The following PDE4D variants were observed in gnomAD, a reference collection of about 807,000 sequenced individuals.
PDE4D encodes phosphodiesterase 4D.
A neutral mutation model predicts 87.4 loss-of-function variants in PDE4D; 24 were observed. The observed-to-expected ratio is 0.27, with a 90% CI of 0.20 to 0.39. The LOEUF (loss-of-function observed/expected upper bound fraction) is 0.39. Ranked by LOEUF, PDE4D falls within the 10% of genes least tolerant of loss-of-function variation. The pLI is 1.00. For synonymous variants in PDE4D, 384 were observed against 383.2 expected, an observed-to-expected ratio of 1.00 and a Z score of -0.02; for missense variants, 714 against 1,041.0, an observed-to-expected ratio of 0.69 and a Z score of 4.32.
chr5:60,324,143 T>C (rs1001675889), intron 1 of PDE4D, among the ~76,000 whole-genome samples: 1 of 152,178 alleles, frequency 6.6e-6, no homozygotes, highest in African/African-American at 2.4e-5. Context: ...GCACCCAACA[T>C]ATTGCAAACA....
Position 60,205,818 on chromosome 5 carries a change from C to T in PDE4D, c.-89-20131G>A, listed in dbSNP as rs149498589. ...AGGAGAGTTGTTCAAACCTGGGAGGCGGGGGTTGCAGTGAGCGGAGATCAC... is the reference window on the plus strand; with the variant it reads ...AGGAGAGTTGTTCAAACCTGGGAGGTGGGGGTTGCAGTGAGCGGAGATCAC... On this transcript the variant is annotated intron_variant, in intron 1 of 16. Transcript: ENST00000502484. Among the ~76,000 whole-genome samples, 436 of 151,984 alleles carry T rather than the reference C, an allele frequency of 2.9e-3. 3 individuals are homozygous for T. The highest frequency in any genetic ancestry group is 9.8e-3 in the African/African-American group (407 of 41,460).
intron 1 of PDE4D, among the ~76,000 whole-genome samples, chr5:59,446,997 A>T (rs1798447052): frequency 6.6e-6 from 1 of 152,208 alleles, no homozygotes; most frequent in Admixed American, 6.5e-5. Context: ...TGCAGCATCC[A>T]TGCAGGTGCA....
chr5:59,798,997 T>C (rs1766815939), intron 1 of PDE4D, among the ~76,000 whole-genome samples: 1 of 152,194 alleles, frequency 6.6e-6, no homozygotes, highest in Non-Finnish European at 1.5e-5. Context: ...ATCTGTACGA[T>C]GGGGATTGCA....
At chr5:60,289,269 T>C (rs561856719) in intron 1 of PDE4D, among the ~76,000 whole-genome samples, 1 of 152,276 alleles carries the variant, frequency 6.6e-6, no homozygotes, top group Admixed American at 6.5e-5. Flanking sequence ...TCCTTAAATA[T>C]CACCCCCCTC....
chr5:60,139,021 T>G (rs1454066450), intron 2 of PDE4D, among the ~76,000 whole-genome samples: 1 of 152,046 alleles, frequency 6.6e-6, no homozygotes, highest in Non-Finnish European at 1.5e-5. Context: ...AATCTCTCCA[T>G]CCTGGTACAA....
intron 1 of PDE4D, among the ~76,000 whole-genome samples, chr5:59,685,819 C>T (rs529240358): frequency 6.6e-6 from 1 of 152,038 alleles, no homozygotes; most frequent in African/African-American, 2.4e-5. Flanking sequence ...AAAATAAAGG[C>T]ATTTTCTGAC....
intron 1 of PDE4D, among the ~76,000 whole-genome samples, chr5:59,872,782 G>A (rs1016917405): frequency 1.3e-5 from 2 of 152,080 alleles, no homozygotes; most frequent in African/African-American, 4.8e-5. Context: ...AGAAACAATA[G>A]GGAATATTTT....
intron 1 of PDE4D, among the ~76,000 whole-genome samples, chr5:59,781,117 G>A (rs1764575519): frequency 6.7e-6 from 1 of 148,622 alleles, no homozygotes. Flanking sequence ...GGTGAGCGGA[G>A]GTCACACCAC....
intron 1 of PDE4D, among the ~76,000 whole-genome samples, chr5:59,573,825 C>T (rs929896262): frequency 6.6e-6 from 1 of 150,574 alleles, no homozygotes; most frequent in Non-Finnish European, 1.5e-5. Context: ...TGGTGAAACC[C>T]CATCTTTACT....
At chr5:59,169,653 G>C (rs142725677) in intron 5 of PDE4D, among the ~76,000 whole-genome samples, 1 of 152,248 alleles carries the variant, frequency 6.6e-6, no homozygotes, top group Non-Finnish European at 1.5e-5. Flanking sequence ...TGTTAGATGA[G>C]GGTGTGGGTG....
chr5:60,422,252 C>T (rs1743184946), intron 1 of PDE4D, among the ~76,000 whole-genome samples: 1 of 152,080 alleles, frequency 6.6e-6, no homozygotes, highest in African/African-American at 2.4e-5. Context: ...TCAGATTCAC[C>T]AAGGTTGAAA....
At chr5:59,154,677 A>G (rs942961098) in intron 5 of PDE4D, among the ~76,000 whole-genome samples, 15 of 152,172 alleles carry the variant, frequency 9.9e-5, no homozygotes, top group Admixed American at 7.9e-4. Context: ...CTTGAGGCCA[A>G]GAATTCGAGA....
intron 5 of PDE4D, among the ~76,000 whole-genome samples, chr5:59,076,950 T>C (rs888727618): frequency 1.3e-5 from 2 of 152,198 alleles, no homozygotes; most frequent in Admixed American, 6.5e-5. Context: ...ACAACATATA[T>C]ATTGATATCT....
At chr5:59,389,731 T>C (rs1787859185) in intron 1 of PDE4D, among the ~76,000 whole-genome samples, 1 of 152,014 alleles carries the variant, frequency 6.6e-6, no homozygotes, top group Admixed American at 6.6e-5. Flanking sequence ...GTCATTACAA[T>C]AAGTGAAATG....
intron 1 of PDE4D, among the ~76,000 whole-genome samples, chr5:59,645,817 T>C (rs1372480701): frequency 4.6e-5 from 7 of 152,222 alleles, no homozygotes; most frequent in African/African-American, 1.7e-4. Flanking sequence ...CCAAGTTTGG[T>C]CACAGTCCTA....
At chr5:60,489,908 T>C (rs2150233355), upstream of PDE4D, 1 of 152,322 alleles carries the variant, frequency 6.6e-6, no homozygotes, top group African/African-American at 2.4e-5. Flanking sequence ...TACTCTAAAC[T>C]GAGGCCTGCA....
chr5:59,416,342 G>A (rs933833623), intron 1 of PDE4D, among the ~76,000 whole-genome samples: 6 of 152,160 alleles, frequency 3.9e-5, no homozygotes, highest in Middle Eastern at 3.2e-3. Context: ...TGAGAAAATA[G>A]TAACCAGAAA....
intron 1 of PDE4D, among the ~76,000 whole-genome samples, chr5:59,707,072 CTTTTA>C (rs1005371892): frequency 1.3e-5 from 2 of 152,100 alleles, no homozygotes; most frequent in Non-Finnish European, 2.9e-5. Flanking sequence ...TAAAGAATTT[CTTTTA>C]TATTTCTTGA....
intron 1 of PDE4D, among the ~76,000 whole-genome samples, chr5:59,281,900 A>T (rs1765863825): frequency 6.6e-6 from 1 of 152,204 alleles, no homozygotes; most frequent in African/African-American, 2.4e-5. Flanking sequence ...ATGGAAGCAC[A>T]AAGTTTGAAG....
Sources: gnomAD v4.1 joint callset for allele counts (sites outside exome capture counted in the v4.1 genomes callset) on GRCh38, gnomAD v4.1.1 for gene constraint, MANE v1.5 for transcripts, NCBI Gene and HGNC (gene_info 2026-07-23, HGNC 2026-07-21) for gene names.